PARD3: variants seen among roughly 807,000 people sequenced by gnomAD.
The protein encoded by PARD3 is partitioning defective 3 homolog.
A neutral mutation model predicts 155.4 loss-of-function variants in PARD3; 75 were observed. The observed-to-expected ratio is 0.48, with a 90% CI of 0.40 to 0.58. The LOEUF is 0.58. PARD3 is among the 20% of genes least tolerant of loss of function. The pLI is 0.00. For missense variants in PARD3, 1,642 were observed against 1,721.7 expected, an observed-to-expected ratio of 0.95 and a Z score of 0.82; for synonymous variants, 576 against 610.5, an observed-to-expected ratio of 0.94 and a Z score of 0.83.
chr10:34,366,238 G>A (rs909301532), intron 12 of PARD3, among the ~76,000 whole-genome samples: 6 of 152,078 alleles, frequency 3.9e-5, no homozygotes, highest in South Asian at 2.1e-4. Flanking sequence ...CTTTCAGTAC[G>A]GTATCCCATA....
chr10:34,714,404 G>A (rs756229063), intron 1 of PARD3, among the ~76,000 whole-genome samples: 15 of 152,130 alleles, frequency 9.9e-5, no homozygotes, highest in Non-Finnish European at 2.9e-5. Flanking sequence ...TGGAGCTATG[G>A]ACAAACAGTT....
intron 20 of PARD3, among the ~76,000 whole-genome samples, chr10:34,295,297 G>T (rs1956856262): frequency 6.6e-6 from 1 of 152,186 alleles, no homozygotes; most frequent in Non-Finnish European, 1.5e-5. Flanking sequence ...TCATGTAAAA[G>T]GGACAAGAAA....
intron 22 of PARD3, among the ~76,000 whole-genome samples, chr10:34,162,499 T>G (rs1261466211): frequency 6.6e-6 from 1 of 152,228 alleles, no homozygotes; most frequent in African/African-American, 2.4e-5. Flanking sequence ...CATACACATG[T>G]GAGTATGTAT....
At chr10:34,525,495 T>C (rs1298520317) in intron 2 of PARD3, among the ~76,000 whole-genome samples, 1 of 152,186 alleles carries the variant, frequency 6.6e-6, no homozygotes, top group Non-Finnish European at 1.5e-5. Context: ...CCTATGGGTA[T>C]ATGTTCCAGC....
In PARD3 at chr10:34,414,543, C is replaced by T. The variant is rs746575325; in HGVS notation, c.715-12626G>A. 1.6e-3 allele frequency among the ~76,000 whole-genome samples: 236 copies of T among 151,702 alleles called. 1 individual carries two copies. The highest frequency in any genetic ancestry group is 6.8e-3 in the Middle Eastern group (2 of 294). ...CACAGTTAACAACAATCTGGCTGGG[C>T]GTGGGCTCACACCTGTAATCCCAGC... On this transcript the variant is annotated intron_variant, in intron 5 of 24. Coordinates refer to ENST00000374788, the MANE Select transcript of PARD3 (RefSeq NM_001184785.2).
chr10:34,704,444 G>T (rs971874149), intron 1 of PARD3, among the ~76,000 whole-genome samples: 1 of 152,078 alleles, frequency 6.6e-6, no homozygotes, highest in Non-Finnish European at 1.5e-5. Flanking sequence ...ACAGAGGGAG[G>T]AGAAAGGCAG....
rs375319810 is a variant in PARD3 at position 34,377,577 on chromosome 10, G to A, written c.1539+390C>T. The stretch of plus-strand genomic sequence containing the variant: ...TGCACTCCAGCCTGGGCGACAGAGC[G>A]AGACTCCATCTCATAAAAAAAAATA... On this transcript the variant is annotated intron_variant, in intron 10 of 24. Transcript: ENST00000374788. Among the ~76,000 whole-genome samples, 12 of 152,042 alleles carry A rather than the reference G, an allele frequency of 7.9e-5. No individual in the cohort carries two copies. The South Asian group carries it at 1.0e-3, about 13-fold the overall frequency.
chr10:34,195,487 C>T (rs1950895788), intron 22 of PARD3, among the ~76,000 whole-genome samples: 1 of 152,138 alleles, frequency 6.6e-6, no homozygotes, highest in Non-Finnish European at 1.5e-5. Context: ...ATGCTAGGTG[C>T]TTATCAGAGA....
At chr10:34,809,033 A>T (rs916252403) in intron 1 of PARD3, among the ~76,000 whole-genome samples, 1 of 152,158 alleles carries the variant, frequency 6.6e-6, no homozygotes, top group African/African-American at 2.4e-5. Flanking sequence ...CCTCTGCTTG[A>T]GCTGAAAAAC....
chr10:34,703,352 G>A (rs765999983), intron 1 of PARD3, among the ~76,000 whole-genome samples: 2 of 151,834 alleles, frequency 1.3e-5, no homozygotes, highest in Non-Finnish European at 2.9e-5. Flanking sequence ...CTGGGCCACT[G>A]CACTCTAGCC....
At chr10:34,601,268 G>GAAAAAAAA (rs61230086) in intron 2 of PARD3, among the ~76,000 whole-genome samples, 1 of 123,168 alleles carries the variant, frequency 8.1e-6, no homozygotes, top group Non-Finnish European at 1.8e-5. Context: ...TCTCTACAAA[G>GAAAAAAAA]AAAAAAAAAA....
In PARD3 at chr10:34,406,880, G is replaced by C. The variant is rs893681496; in HGVS notation, c.715-4963C>G. The stretch of plus-strand genomic sequence containing the variant: ...CAGAGTATCCATTTGGTTATGCAGT[G>C]AGCAATTGTCACATTGCCATGTGCT... On this transcript the variant is annotated intron_variant, in intron 5 of 24. Transcript: ENST00000374788. Among the ~76,000 whole-genome samples, 6 of 152,060 alleles carry C rather than the reference G, an allele frequency of 3.9e-5. No individual in the cohort carries two copies. The East Asian group carries it at 1.2e-3, about 29-fold the overall frequency.
intron 1 of PARD3, among the ~76,000 whole-genome samples, chr10:34,732,883 AG>A (rs1262044969): frequency 7.2e-5 from 11 of 152,160 alleles, no homozygotes; most frequent in Non-Finnish European, 1.6e-4. Flanking sequence ...ACCCAGTGTG[AG>A]GAACATACTG....
intron 22 of PARD3, among the ~76,000 whole-genome samples, chr10:34,240,835 G>A (rs1953539076): frequency 1.3e-5 from 2 of 151,904 alleles, no homozygotes; most frequent in Admixed American, 6.6e-5. Flanking sequence ...TAGAGAGAAG[G>A]ACCTCGAGCA....
chr10:34,502,664 G>A (rs140506809), intron 3 of PARD3, among the ~76,000 whole-genome samples: 1 of 152,262 alleles, frequency 6.6e-6, no homozygotes, highest in Non-Finnish European at 1.5e-5. Context: ...GACTTGGCTA[G>A]GTGTGGTGGT....
At position 34,111,164 on chromosome 10, in the gene PARD3, C is replaced by T. The variant is rs1240804972; in HGVS notation, c.*5G>A. The stretch of plus-strand genomic sequence containing the variant: ...CGCGACATGAAGCATCCGTTATTTG[C>T]GTGCTCAGGAATAGAAGGGCCTCCC... On this transcript the variant is annotated 3_prime_UTR_variant, in exon 25 of 25. Coordinates refer to ENST00000374788, the MANE Select transcript of PARD3 (RefSeq NM_001184785.2). 7.2e-6 allele frequency: 11 copies of T among 1,533,046 alleles called. No individual in the cohort carries two copies. Among genetic ancestry groups the T allele is most frequent in the South Asian group, 2.5e-5 (2 of 79,122 alleles). The allele number at this position is 1,533,046 out of a possible 1,614,324, so 95.0% of individuals were successfully genotyped here.
chr10:34,542,213 G>GTA (rs2083666820), intron 2 of PARD3, among the ~76,000 whole-genome samples: 1 of 4,090 alleles, frequency 2.4e-4, no homozygotes, highest in Non-Finnish European at 4.5e-3. Flanking sequence ...GTGTGTGTGT[G>GTA]TGTGTGTGTG....
intron 2 of PARD3, among the ~76,000 whole-genome samples, chr10:34,561,663 C>T (rs1254337375): frequency 6.6e-6 from 1 of 151,856 alleles, no homozygotes; most frequent in East Asian, 2.0e-4. Context: ...GGATTACAGG[C>T]GTGCGCCACC....
chr10:34,787,212 C>G (rs1841077128), intron 1 of PARD3, among the ~76,000 whole-genome samples: 1 of 152,106 alleles, frequency 6.6e-6, no homozygotes, highest in African/African-American at 2.4e-5. Flanking sequence ...AACCCCAACT[C>G]TACTAACAAT....
Sources: allele counts gnomAD v4.1 joint callset (sites outside exome capture counted in the v4.1 genomes callset), GRCh38; gene constraint gnomAD v4.1.1; transcripts MANE v1.5; gene names NCBI Gene and HGNC (gene_info 2026-07-23, HGNC 2026-07-21).